The following CEP164 variants were observed in gnomAD, a reference collection of about 807,000 sequenced individuals.
CEP164 encodes the protein centrosomal protein 164, also known as centrosomal protein of 164 kDa.
Under a neutral mutation model 182.7 loss-of-function variants are expected in CEP164, and 162 were observed. The ratio of observed to expected loss-of-function variants is 0.89; its 90% CI spans 0.78 to 1.01. CEP164 has a LOEUF of 1.01. Among genes scored for constraint, CEP164 ranks in the 50% least tolerant of loss-of-function variants. CEP164 has a pLI of 0.00. For synonymous variants in CEP164, 661 were observed against 690.0 expected (o/e 0.96, Z 0.66); for missense variants, 1,735 against 1,790.4 (o/e 0.97, Z 0.56).
chr11:117,379,051 G>T (rs1475547481), intron 11 of CEP164, among the ~76,000 whole-genome samples: 2 of 152,178 alleles, frequency 1.3e-5, no homozygotes, highest in African/African-American at 4.8e-5. Flanking sequence ...GATGAGCATG[G>T]TGTGGTCTGT....
chr11:117,393,036 A>G lies in CEP164; in HGVS notation c.2526A>G (p.Glu842=), dbSNP rs1592370762. ...LSSLLREKRQ[E]VEGEHERRLD... ...GTCTCCTGCGAGAGAAGCGCCAGGA[A>G]GTGGAAGGGGAGCATGAGAGGAGGT... The change falls in exon 20 of 33, where the codon GAA becomes GAG. Residue 842 remains glutamate (E), a synonymous_variant. Coordinates refer to ENST00000278935, the MANE Select transcript of CEP164 (RefSeq NM_014956.5). 5.0e-6 allele frequency: 8 copies of G among 1,613,650 alleles called. No individual in the cohort carries two copies. Among genetic ancestry groups the G allele is most frequent in the Admixed American group, 1.7e-5 (1 of 60,018 alleles).
chr11:117,382,370 G>A (rs2043421512), intron 13 of CEP164, among the ~76,000 whole-genome samples: 1 of 152,166 alleles, frequency 6.6e-6, no homozygotes, highest in Non-Finnish European at 1.5e-5. Flanking sequence ...AGATAACTCT[G>A]GGTCCAGCTG....
chr11:117,335,129 G>A (rs1289200712), intron 1 of CEP164, among the ~76,000 whole-genome samples: 1 of 152,144 alleles, frequency 6.6e-6, no homozygotes, highest in East Asian at 1.9e-4. Flanking sequence ...CTGCCACCCG[G>A]GTTCCTGGTC....
intron 1 of CEP164, among the ~76,000 whole-genome samples, chr11:117,321,783 G>A (rs1450013601): frequency 6.6e-6 from 1 of 152,006 alleles, no homozygotes; most frequent in Non-Finnish European, 1.5e-5. Context: ...CTACAGCCTT[G>A]ACCTCCTGTG....
At chr11:117,351,678 C>T (rs2039645111) in intron 4 of CEP164, 112 bp from the exon 5 acceptor site, 1 of 935,468 alleles carries the variant, frequency 1.1e-6, no homozygotes, top group Non-Finnish European at 1.6e-6. Context: ...TTTTCCACCC[C>T]ACTCTCTTCC....
In CEP164 at chr11:117,411,757, C is replaced by T; in HGVS notation, c.4164-38C>T. 1 of 1,613,058 alleles carries T rather than the reference C, an allele frequency of 6.2e-7. No homozygotes were observed. Among genetic ancestry groups the T allele is most frequent in the East Asian group, 2.2e-5 (1 of 44,866 alleles). ...TGCATCCTCTGTCACTTCCGCGCCT[C>T]CTCTCTCCCCTCGCCATGCTCTCCT... On this transcript the variant is annotated intron_variant, in intron 31 of 32. Transcript: ENST00000278935. This position sits in a 1 kb window ranked among gnomAD's most constrained non-coding sequence, Gnocchi z 4.4.
chr11:117,412,038 C>A, intron 32 of CEP164, 34 bp from the exon 33 acceptor site: 1 of 1,612,614 alleles, frequency 6.2e-7, no homozygotes. Flanking sequence ...TGGCTATGCC[C>A]AGCGACTGCA....
At chr11:117,367,460 T>G (rs916493976) in intron 8 of CEP164, among the ~76,000 whole-genome samples, 1 of 152,244 alleles carries the variant, frequency 6.6e-6, no homozygotes, top group Non-Finnish European at 1.5e-5. Context: ...AGAATTGAGC[T>G]GGGCCTAAGA....
At chr11:117,408,317 C>G (rs775358042) in intron 28 of CEP164, among the ~76,000 whole-genome samples, 9 of 152,296 alleles carry the variant, frequency 5.9e-5, no homozygotes, top group Non-Finnish European at 1.2e-4. Context: ...CTGCCCTGGT[C>G]CCTAAGGACA....
intron 27 of CEP164, among the ~76,000 whole-genome samples, chr11:117,406,613 C>A (rs1017032039): frequency 6.6e-6 from 1 of 152,196 alleles, no homozygotes; most frequent in African/African-American, 2.4e-5. Flanking sequence ...AGACTTTGTT[C>A]GTACATGAAA....
chr11:117,387,243 G>C lies in CEP164; in HGVS notation c.1765G>C (p.Glu589Gln), dbSNP rs143553347. The change falls in exon 15 of 33, where the codon GAG becomes CAG. Residue 589 changes from glutamate to glutamine, a missense_variant. Transcript: ENST00000278935. ...TGTGGCTCCCCCAGAGCAGCTCTCAGAGGCTGCACTAAAGGCCATGGAAGA... is the reference window on the plus strand; with the variant it reads ...TGTGGCTCCCCCAGAGCAGCTCTCACAGGCTGCACTAAAGGCCATGGAAGA... ...EPVAPPEQLS[E>Q]AALKAMEEAV... 1.2e-6 allele frequency: 2 copies of C among 1,614,072 alleles called. No individual in the cohort carries two copies. The highest frequency in any genetic ancestry group is 2.7e-5 in the African/African-American group (2 of 74,940).
chr11:117,328,775 T>C (rs1057056103), intron 1 of CEP164, among the ~76,000 whole-genome samples: 2 of 152,234 alleles, frequency 1.3e-5, no homozygotes, highest in Non-Finnish European at 2.9e-5. Context: ...AGCAAACATT[T>C]GTCGGACATG....
chr11:117,338,091 G>A (rs1454601694), intron 2 of CEP164, among the ~76,000 whole-genome samples: 2 of 151,736 alleles, frequency 1.3e-5, no homozygotes, highest in Non-Finnish European at 2.9e-5. Context: ...TCTTGAGGTC[G>A]TTCCCGCCAC....
intron 4 of CEP164, 65 bp from the exon 5 acceptor site, chr11:117,351,725 C>A: frequency 6.8e-7 from 1 of 1,478,362 alleles, no homozygotes; most frequent in Non-Finnish European, 9.3e-7. Flanking sequence ...CTTTTTTTCC[C>A]CTCTTTTTTT....
chr11:117,361,932 C>G lies in CEP164; in HGVS notation c.491C>G (p.Ser164Cys), dbSNP rs149806421. 75 of 1,610,248 alleles carry G rather than the reference C, an allele frequency of 4.7e-5. No individual in the cohort carries two copies. Among genetic ancestry groups the G allele is most frequent in the Non-Finnish European group, 6.1e-5 (72 of 1,179,064 alleles). The change falls in exon 6 of 33, where the codon TCT becomes TGT. Residue 164 changes from serine (S) to cysteine (C), a missense_variant. Transcript: ENST00000278935. ...VDTPPSALRG[S>C]QSVSLGSSVE... ...ACCCCACCCTCTGCTCTTCGTGGAT[C>G]TCAAAGCGTGAGCCTGGGGAGCTCA...
intron 25 of CEP164, among the ~76,000 whole-genome samples, 162 bp downstream of exon 25, chr11:117,396,342 C>T (rs2045459336): frequency 6.6e-6 from 1 of 152,142 alleles, no homozygotes; most frequent in Admixed American, 6.5e-5. Context: ...TCAGGAAGGG[C>T]TGGCTCTGTT....
At chr11:117,405,777 C>T (rs968646004) in intron 27 of CEP164, among the ~76,000 whole-genome samples, 1 of 152,246 alleles carries the variant, frequency 6.6e-6, no homozygotes, top group South Asian at 2.1e-4. Flanking sequence ...AATCATCTCT[C>T]TCAAGTTCAA....
chr11:117,403,830 T>G (rs1282181588), intron 27 of CEP164, among the ~76,000 whole-genome samples: 1 of 152,156 alleles, frequency 6.6e-6, no homozygotes, highest in Non-Finnish European at 1.5e-5. Context: ...TAGTCCCATA[T>G]TTCTTGGAGG....
At chr11:117,363,759 CTTTTTTTTTTTTTTTT>C (rs72255760) in intron 8 of CEP164, among the ~76,000 whole-genome samples, 4 of 58,440 alleles carry the variant, frequency 6.8e-5, no homozygotes, top group South Asian at 6.8e-4. Context: ...ACCTCCAATG[CTTTTTTTTTTTTTTTT>C]TTTTTTTTTT....
Sources: gnomAD v4.1 joint callset for allele counts (sites outside exome capture counted in the v4.1 genomes callset) on GRCh38, gnomAD v4.1.1 for gene constraint, Gnocchi (gnomAD v3.1) non-coding constraint, MANE v1.5 for transcripts, NCBI Gene and HGNC (gene_info 2026-07-23, HGNC 2026-07-21) for gene names.